ISOC1: variants seen among roughly 807,000 people sequenced by gnomAD.
ISOC1 encodes the protein isochorismatase domain containing 1.
ISOC1 carries 33 observed loss-of-function variants against 30.0 expected under a neutral mutation model. The ratio of observed to expected loss-of-function variants is 1.10; its 90% CI spans 0.83 to 1.47. The LOEUF is 1.47. Among genes scored for constraint, ISOC1 ranks in the 40% most tolerant of loss-of-function variants. ISOC1 has a pLI of 0.00. For synonymous variants in ISOC1, 178 were observed against 159.8 expected, an observed-to-expected ratio of 1.11 and a Z score of -0.86; for missense variants, 372 against 388.0, an observed-to-expected ratio of 0.96 and a Z score of 0.35.
At chr5:129,107,126 G>T in intron 4 of ISOC1, 64 bp downstream of exon 4, 1 of 1,271,806 alleles carries the variant, frequency 7.9e-7, no homozygotes, top group Non-Finnish European at 1.1e-6. Context: ...AAGAATACTG[G>T]ATATTTAACA....
chr5:129,111,144 CAAG>C (rs1390801324), intron 4 of ISOC1, among the ~76,000 whole-genome samples: 1 of 152,010 alleles, frequency 6.6e-6, no homozygotes, highest in Non-Finnish European at 1.5e-5. Context: ...GACTATAAAG[CAAG>C]GAGGAGGAAA....
Position 129,107,043 on chromosome 5 carries a change from A to G in ISOC1, c.731A>G (p.Asp244Gly), listed in dbSNP as rs757314520. The stretch of plus-strand genomic sequence containing the variant: ...GCCACCTCATCAAGAAGCATGATGG[A>G]CAGGATGTTTGCCCTCGAGGTAATT... ...ADATSSRSMM[D>G]RMFALERLAR... The change falls in exon 4 of 5, where the codon GAC (aspartate) becomes GGC (glycine). Residue 244 changes from aspartate (D) to glycine (G), a missense_variant. Asp to Gly is a moderately conservative substitution (Grantham distance 94). Transcript: ENST00000173527. 1.9e-6 allele frequency: 3 copies of G among 1,613,254 alleles called. No individual in the cohort carries two copies. In the African/African-American group the frequency reaches 4.0e-5, roughly 22 times the overall value.
At chr5:129,103,081 A>G (rs1197889334) in intron 1 of ISOC1, among the ~76,000 whole-genome samples, 1 of 152,182 alleles carries the variant, frequency 6.6e-6, no homozygotes, top group African/African-American at 2.4e-5. Context: ...TGGTTATTTC[A>G]GTAGGCCTGC....
chr5:129,098,586 C>G (rs1405649478), intron 1 of ISOC1, among the ~76,000 whole-genome samples: 1 of 152,090 alleles, frequency 6.6e-6, no homozygotes, highest in Admixed American at 6.5e-5. Flanking sequence ...CATTTTCCAG[C>G]CTGTGGCCAG....
chr5:129,106,888 T>A, intron 3 of ISOC1, 58 bp from the exon 4 acceptor site: 1 of 1,194,436 alleles, frequency 8.4e-7, no homozygotes, highest in Admixed American at 1.8e-5. Context: ...GTTGTACATT[T>A]GTAAACTACT....
intron 4 of ISOC1, among the ~76,000 whole-genome samples, chr5:129,110,935 A>G (rs2150172483): frequency 6.6e-6 from 1 of 152,308 alleles, no homozygotes; most frequent in Non-Finnish European, 1.5e-5. Flanking sequence ...CATTGATTCA[A>G]CAGTGAGCAG....
rs1333744021 is a variant in ISOC1 at position 129,105,215 on chromosome 5, GTTA to G, written c.463_465del (p.Ile155del). ...AGGGGCCCGGATTTTAGGAATTCCT[GTTA>G]TTGTAACAGAACAATACCCTAAAGG... On this transcript the variant is annotated inframe_deletion, in exon 3 of 5. Coordinates refer to ENST00000173527, the MANE Select transcript of ISOC1 (RefSeq NM_016048.2). 1 of 1,613,448 alleles carries G rather than the reference GTTA, an allele frequency of 6.2e-7. No homozygotes were observed. Among genetic ancestry groups the G allele is most frequent in the Non-Finnish European group, 8.5e-7 (1 of 1,179,770 alleles).
intron 4 of ISOC1, among the ~76,000 whole-genome samples, chr5:129,108,118 A>AC (rs2150171950): frequency 6.6e-6 from 1 of 152,226 alleles, no homozygotes; most frequent in East Asian, 1.9e-4. Flanking sequence ...TTTTGTTGAG[A>AC]CCCTCCAGTG....
chr5:129,107,930 G>A (rs1170082313), intron 4 of ISOC1, among the ~76,000 whole-genome samples: 2 of 152,182 alleles, frequency 1.3e-5, no homozygotes, highest in Admixed American at 6.5e-5. Flanking sequence ...TCTTTTTCAA[G>A]ACTGTTAAAA....
At chr5:129,095,120 C>A (rs763650339) in intron 1 of ISOC1, 45 bp downstream of exon 1, 17 of 1,475,478 alleles carry the variant, frequency 1.2e-5, no homozygotes, top group Non-Finnish European at 1.5e-5. Flanking sequence ...CCCGAGTCGT[C>A]CCCGTCCCCG....
chr5:129,104,871 C>T, intron 1 of ISOC1, 85 bp from the exon 2 acceptor site: 7 of 1,367,430 alleles, frequency 5.1e-6, no homozygotes, highest in Non-Finnish European at 7.0e-6. Context: ...ACAATAGGAC[C>T]ATTTTTCTTC....
At chr5:129,101,484 G>C (rs1226650475) in intron 1 of ISOC1, among the ~76,000 whole-genome samples, 1 of 151,996 alleles carries the variant, frequency 6.6e-6, no homozygotes, top group Non-Finnish European at 1.5e-5. Context: ...GACAGAGTGA[G>C]ACTCTGTCTC....
chr5:129,105,521 C>G (rs1753626918), intron 3 of ISOC1, 133 bp downstream of exon 3: 1 of 720,468 alleles, frequency 1.4e-6, no homozygotes, highest in East Asian at 2.7e-5. Flanking sequence ...GTATTATGTT[C>G]ACTATTTGCA....
At chr5:129,095,804 A>G (rs772041715) in intron 1 of ISOC1, among the ~76,000 whole-genome samples, 2 of 152,182 alleles carry the variant, frequency 1.3e-5, no homozygotes, top group Non-Finnish European at 2.9e-5. Context: ...CTACCTGAGG[A>G]CTACTTAACA....
chr5:129,100,543 G>T lies in ISOC1; in HGVS notation c.310-4413G>T, dbSNP rs73234016. ...TGTTTATATTCCTTAAATATGCATAGATCTGTAATTGCTATGCTTTTACTC... is the reference window on the plus strand; with the variant it reads ...TGTTTATATTCCTTAAATATGCATATATCTGTAATTGCTATGCTTTTACTC... On this transcript the variant is annotated intron_variant, in intron 1 of 4. Transcript: ENST00000173527. Among the ~76,000 whole-genome samples, 623 of 152,242 alleles carry T rather than the reference G, an allele frequency of 4.1e-3. 7 individuals are homozygous for T. Among genetic ancestry groups the T allele is most frequent in the African/African-American group, 0.014 (597 of 41,536 alleles).
chr5:129,106,843 G>T, intron 3 of ISOC1, 103 bp from the exon 4 acceptor site: 1 of 749,052 alleles, frequency 1.3e-6, no homozygotes, highest in Non-Finnish European at 2.3e-6. Flanking sequence ...AAGGTCCTTA[G>T]ATGATCTGTA....
chr5:129,097,823 G>GAAAA (rs1312031864), intron 1 of ISOC1: 4 of 153,220 alleles, frequency 2.6e-5, no homozygotes, highest in Non-Finnish European at 4.4e-5. Flanking sequence ...GAGCAGTCTG[G>GAAAA]AAAACAAGTC....
chr5:129,102,220 G>T (rs1453016789), intron 1 of ISOC1, among the ~76,000 whole-genome samples: 2 of 152,192 alleles, frequency 1.3e-5, no homozygotes, highest in Admixed American at 6.5e-5. Flanking sequence ...AGCATGTGGA[G>T]AATGTCTATG....
At chr5:129,112,729 G>T (rs3798121) in intron 4 of ISOC1, 126 bp from the exon 5 acceptor site, 101,058 of 965,640 alleles carry the variant, frequency 0.1, 6,861 homozygotes, top group African/African-American at 0.25. Flanking sequence ...GAACTTGATG[G>T]TATGGCTGGG....
Sources: gnomAD v4.1 joint callset for allele counts (sites outside exome capture counted in the v4.1 genomes callset) on GRCh38, gnomAD v4.1.1 for gene constraint, MANE v1.5 for transcripts, NCBI Gene and HGNC (gene_info 2026-07-23, HGNC 2026-07-21) for gene names.